TMEM132B: variants seen among roughly 807,000 people sequenced by gnomAD.
TMEM132B encodes transmembrane protein 132B.
Under a neutral mutation model 90.8 loss-of-function variants are expected in TMEM132B, and 18 were observed. That is an observed-to-expected ratio of 0.20 (90% confidence interval 0.14 to 0.29). The LOEUF is 0.29. Ranked by LOEUF, TMEM132B falls within the 10% of genes least tolerant of loss-of-function variation. The probability of loss-of-function intolerance (pLI) is 1.00; values close to 1 mark genes in which losing one functional copy is unlikely to be tolerated. For missense variants in TMEM132B, 1,096 were observed against 1,326.8 expected (o/e 0.83, Z 2.70); for synonymous variants, 504 against 523.3 (o/e 0.96, Z 0.50).
At chr12:125,357,420 C>T (rs982161386) in intron 2 of TMEM132B, among the ~76,000 whole-genome samples, 4 of 152,196 alleles carry the variant, frequency 2.6e-5, no homozygotes, top group Admixed American at 2.0e-4. Flanking sequence ...CCCGTGCCTT[C>T]TGTGCAGTTT....
chr12:125,466,520 C>G (rs1048052743), intron 3 of TMEM132B, among the ~76,000 whole-genome samples: 11 of 152,336 alleles, frequency 7.2e-5, no homozygotes, highest in Admixed American at 6.5e-4. Flanking sequence ...CATCACTGTT[C>G]TGCTATGCAG....
intron 1 of TMEM132B, among the ~76,000 whole-genome samples, chr12:125,340,010 AGTT>A (rs1877125767): frequency 6.6e-6 from 1 of 152,242 alleles, no homozygotes. Context: ...ACAGCAAAGA[AGTT>A]AAATAAGTAA....
intron 4 of TMEM132B, among the ~76,000 whole-genome samples, chr12:125,561,037 A>T (rs1884512473): frequency 6.6e-6 from 1 of 152,068 alleles, no homozygotes. Flanking sequence ...TACCCAAAGG[A>T]TTATAAATCA....
At chr12:125,320,220 G>T (rs1477599492) in intron 1 of TMEM132B, among the ~76,000 whole-genome samples, 1 of 152,246 alleles carries the variant, frequency 6.6e-6, no homozygotes, top group African/African-American at 2.4e-5. Flanking sequence ...GAGGAGGTCT[G>T]ATCCAGCAGC....
chr12:125,194,819 A>T (rs1872890327), intron 1 of TMEM132B, among the ~76,000 whole-genome samples: 1 of 152,060 alleles, frequency 6.6e-6, no homozygotes, highest in Non-Finnish European at 1.5e-5. Context: ...CATGGTGTAG[A>T]TGGAAAATGT....
At chr12:125,624,688 G>C (rs1886187177) in intron 5 of TMEM132B, among the ~76,000 whole-genome samples, 1 of 152,148 alleles carries the variant, frequency 6.6e-6, no homozygotes, top group Non-Finnish European at 1.5e-5. Context: ...CTCAAATTTA[G>C]TTATGATGCT....
At chr12:125,355,285 C>A (rs746548804) in intron 2 of TMEM132B, among the ~76,000 whole-genome samples, 1 of 152,102 alleles carries the variant, frequency 6.6e-6, no homozygotes, top group African/African-American at 2.4e-5. Context: ...CTTGCATTAG[C>A]AGAGACTCAA....
chr12:125,326,865 A>G (rs1215524741), intron 1 of TMEM132B, among the ~76,000 whole-genome samples: 1 of 151,898 alleles, frequency 6.6e-6, no homozygotes, highest in Non-Finnish European at 1.5e-5. Context: ...TTACTATTGA[A>G]ACTGTCCACC....
At chr12:125,502,263 T>A (rs1218550359) in intron 3 of TMEM132B, among the ~76,000 whole-genome samples, 1 of 152,238 alleles carries the variant, frequency 6.6e-6, no homozygotes, top group Non-Finnish European at 1.5e-5. Flanking sequence ...TATCTTTATC[T>A]CTGCATCCAG....
intron 5 of TMEM132B, among the ~76,000 whole-genome samples, chr12:125,625,150 T>TTTTTTTG (rs1886202235): frequency 1.4e-5 from 2 of 146,712 alleles, no homozygotes; most frequent in African/African-American, 2.6e-5. Context: ...TTTTTTTTTT[T>TTTTTTTG]GAGACTGAGT....
At chr12:125,309,016 A>G (rs1382249847) in intron 1 of TMEM132B, among the ~76,000 whole-genome samples, 1 of 152,204 alleles carries the variant, frequency 6.6e-6, no homozygotes, top group African/African-American at 2.4e-5. Context: ...TAACCATGTT[A>G]GCACATTTAC....
chr12:125,374,319 G>A (rs1878405466), intron 2 of TMEM132B, among the ~76,000 whole-genome samples: 1 of 152,204 alleles, frequency 6.6e-6, no homozygotes, highest in South Asian at 2.1e-4. Context: ...TCTTCTTAGA[G>A]TGGAGATGGC....
chr12:125,212,673 G>A (rs1041501030), intron 1 of TMEM132B, among the ~76,000 whole-genome samples: 21 of 152,074 alleles, frequency 1.4e-4, no homozygotes, highest in South Asian at 2.1e-4. Flanking sequence ...CAATCTGGGC[G>A]ACAAGAGCGA....
intron 2 of TMEM132B, among the ~76,000 whole-genome samples, chr12:125,350,860 T>C (rs1052617191): frequency 8.5e-5 from 13 of 152,170 alleles, no homozygotes; most frequent in African/African-American, 2.9e-4. Context: ...CAGGGGCGTA[T>C]CATCAGGTGT....
intron 5 of TMEM132B, among the ~76,000 whole-genome samples, chr12:125,608,161 T>G (rs1387750143): frequency 6.6e-6 from 1 of 152,200 alleles, no homozygotes; most frequent in East Asian, 1.9e-4. Flanking sequence ...TTTGAAAAAC[T>G]GTTGAACTCT....
intron 3 of TMEM132B, among the ~76,000 whole-genome samples, chr12:125,416,852 G>A (rs1880028978): frequency 1.3e-5 from 2 of 152,258 alleles, no homozygotes; most frequent in South Asian, 4.2e-4. Flanking sequence ...TTGACCCATG[G>A]TTTCCCTGCA....
intron 5 of TMEM132B, among the ~76,000 whole-genome samples, chr12:125,598,535 T>C (rs913880310): frequency 1.3e-5 from 2 of 152,180 alleles, no homozygotes; most frequent in African/African-American, 4.8e-5. Context: ...TTGGGGCTAA[T>C]AGCCCCAAGA....
intron 1 of TMEM132B, among the ~76,000 whole-genome samples, chr12:125,230,084 T>G (rs1873782484): frequency 6.6e-6 from 1 of 152,164 alleles, no homozygotes; most frequent in African/African-American, 2.4e-5. Flanking sequence ...CTGGGCAAGA[T>G]GAACAGAAGA....
chr12:125,293,790 C>T (rs1455757657), intron 1 of TMEM132B, among the ~76,000 whole-genome samples: 4 of 152,162 alleles, frequency 2.6e-5, no homozygotes, highest in Admixed American at 1.3e-4. Flanking sequence ...TTTTGACATT[C>T]CACCCCTTGA....
Sources: allele counts gnomAD v4.1 joint callset (sites outside exome capture counted in the v4.1 genomes callset), GRCh38; gene constraint gnomAD v4.1.1; transcripts MANE v1.5; gene names NCBI Gene and HGNC (gene_info 2026-07-23, HGNC 2026-07-21).